Variants in NLGN4X observed in about 807,000 individuals in gnomAD.
NLGN4X encodes neuroligin 4 X-linked.
NLGN4X carries 3 observed loss-of-function variants against 40.3 expected under a neutral mutation model. The observed-to-expected ratio is 0.07, with a 90% CI of 0.03 to 0.19. The LOEUF is 0.19. NLGN4X is among the 10% of genes least tolerant of loss of function. The pLI, the probability that NLGN4X is intolerant of heterozygous loss-of-function variation, is 1.00. For missense variants in NLGN4X, 382 were observed against 708.3 expected, an observed-to-expected ratio of 0.54 and a Z score of 5.23; for synonymous variants, 270 against 306.8, an observed-to-expected ratio of 0.88 and a Z score of 1.25.
intron 2 of NLGN4X, among the ~76,000 whole-genome samples, chrX:6,082,917 G>A (rs1427691165): frequency 1.9e-5 from 2 of 106,876 alleles, no homozygotes; most frequent in Non-Finnish European, 3.9e-5. Context: ...GGTTTTCCCA[G>A]GTGGTAAAAA....
intron 3 of NLGN4X, among the ~76,000 whole-genome samples, chrX:5,920,024 T>C (rs182851918): frequency 8.9e-6 from 1 of 112,044 alleles, no homozygotes; most frequent in Non-Finnish European, 1.9e-5. Flanking sequence ...TGTAAGAAAC[T>C]TTTGCATAAC....
intron 2 of NLGN4X, among the ~76,000 whole-genome samples, chrX:6,061,307 T>G (rs1426121013): frequency 1.8e-5 from 2 of 110,741 alleles, no homozygotes; most frequent in African/African-American, 3.3e-5. Flanking sequence ...GGATATTTGT[T>G]AATGTAGCAC....
chrX:5,895,586 ATATG>A (rs1349228086), intron 5 of NLGN4X, among the ~76,000 whole-genome samples: 12 of 111,305 alleles, frequency 1.1e-4, no homozygotes, highest in African/African-American at 3.9e-4. Flanking sequence ...TGCAGTATAT[ATATG>A]TATGTCATGT....
At chrX:5,998,410 C>CA (rs11344030) in intron 3 of NLGN4X, among the ~76,000 whole-genome samples, 1,221 of 77,202 alleles carry the variant, frequency 0.016, 31 homozygotes, top group African/African-American at 0.054. Context: ...AACTCCTTCT[C>CA]AAAAAAAAAA....
intron 2 of NLGN4X, among the ~76,000 whole-genome samples, chrX:6,125,914 A>T (rs1252838885): frequency 1.8e-5 from 2 of 111,467 alleles, no homozygotes; most frequent in Non-Finnish European, 3.8e-5. Context: ...ATATTTACAA[A>T]CCAAACTTAG....
intron 4 of NLGN4X, 134 bp downstream of exon 4, chrX:5,908,920 A>G (rs940385407): frequency 8.6e-6 from 6 of 701,284 alleles, no homozygotes; most frequent in East Asian, 7.0e-5. Flanking sequence ...AGATGGATTC[A>G]TTTGATCTTT....
At chrX:6,079,937 T>C (rs894228688) in intron 2 of NLGN4X, among the ~76,000 whole-genome samples, 2 of 110,881 alleles carry the variant, frequency 1.8e-5, no homozygotes, top group Non-Finnish European at 3.8e-5. Flanking sequence ...TCAAACAAGA[T>C]CCCCTGACTC....
intron 3 of NLGN4X, among the ~76,000 whole-genome samples, chrX:6,006,803 G>T (rs1670391809): frequency 8.9e-6 from 1 of 111,884 alleles, no homozygotes; most frequent in African/African-American, 3.2e-5. Flanking sequence ...AGCAGCACAT[G>T]TTGGCAAAGA....
At chrX:5,949,911 T>C (rs969007026) in intron 3 of NLGN4X, among the ~76,000 whole-genome samples, 27 of 111,589 alleles carry the variant, frequency 2.4e-4, no homozygotes, top group African/African-American at 8.8e-4. Flanking sequence ...TGAGTACAAG[T>C]ACAGAGTGCC....
intron 3 of NLGN4X, among the ~76,000 whole-genome samples, chrX:5,941,176 A>AGG (rs200390860): frequency 4.0e-5 from 1 of 24,764 alleles, no homozygotes; most frequent in Non-Finnish European, 7.7e-5. Context: ...ATCGTATGCT[A>AGG]GGGGGTGTGT....
intron 2 of NLGN4X, among the ~76,000 whole-genome samples, chrX:6,044,875 C>T (rs758379548): frequency 8.9e-6 from 1 of 112,331 alleles, no homozygotes; most frequent in East Asian, 2.8e-4. Context: ...CAACCACAGT[C>T]CTCTCAGGAA....
chrX:6,032,744 T>C, intron 2 of NLGN4X: 1 of 1,174,623 alleles, frequency 8.5e-7, no homozygotes, highest in Non-Finnish European at 1.1e-6. Context: ...TTTCTTTGTG[T>C]TGGCTCCTGG....
At chrX:6,185,252 T>G (rs766797731) in intron 1 of NLGN4X, among the ~76,000 whole-genome samples, 1 of 112,269 alleles carries the variant, frequency 8.9e-6, no homozygotes, top group South Asian at 3.7e-4. Context: ...TCATGTTACC[T>G]TCTACCTTTA....
Position 6,179,507 on chromosome X carries a change from G to T in NLGN4X, c.-305-27736C>A, listed in dbSNP as rs143068201. 8.5e-3 allele frequency among the ~76,000 whole-genome samples: 949 copies of T among 111,691 alleles called. 8 individuals carry two copies. The highest frequency in any genetic ancestry group is 0.03 in the African/African-American group (908 of 30,698). On this transcript the variant is annotated intron_variant, in intron 1 of 5. Transcript: ENST00000381095. Reference sequence around the variant, plus strand: ...TAAAATGATAGTAGGTTAAAATTTAGAATAGTGCTACTTATATAATTTTGA... The same window carrying T: ...TAAAATGATAGTAGGTTAAAATTTATAATAGTGCTACTTATATAATTTTGA...
intron 1 of NLGN4X, among the ~76,000 whole-genome samples, chrX:6,221,390 A>ATT (rs1460154870): frequency 7.6e-4 from 30 of 39,574 alleles, no homozygotes; most frequent in African/African-American, 3.8e-3. Flanking sequence ...TCCTTCTTAT[A>ATT]TTATATATAT....
chrX:5,935,725 C>T (rs992415294), intron 3 of NLGN4X, among the ~76,000 whole-genome samples: 1 of 111,453 alleles, frequency 9.0e-6, no homozygotes, highest in African/African-American at 3.3e-5. Flanking sequence ...GTATAACCAT[C>T]GGGTGAGGTT....
chrX:5,939,549 CA>C (rs936782235), intron 3 of NLGN4X, among the ~76,000 whole-genome samples: 15 of 110,576 alleles, frequency 1.4e-4, no homozygotes, highest in African/African-American at 4.6e-4. Context: ...CTTTTCTGCT[CA>C]AAAAAAATGT....
At chrX:6,120,796 G>C (rs181421633) in intron 2 of NLGN4X, among the ~76,000 whole-genome samples, 110 of 112,194 alleles carry the variant, frequency 9.8e-4, no homozygotes, top group African/African-American at 3.5e-3. Flanking sequence ...GTAGGCACTA[G>C]TGTGAAAGCA....
At chrX:6,010,513 TTTATTATTA>T (rs58321620) in intron 3 of NLGN4X, among the ~76,000 whole-genome samples, 6 of 95,389 alleles carry the variant, frequency 6.3e-5, no homozygotes, top group South Asian at 1.0e-3. Context: ...TTCTTTTTAT[TTTATTATTA>T]TTATTATTAT....
Sources: gnomAD v4.1 joint callset for allele counts (sites outside exome capture counted in the v4.1 genomes callset) on GRCh38, gnomAD v4.1.1 for gene constraint, MANE v1.5 for transcripts, NCBI Gene and HGNC (gene_info 2026-07-23, HGNC 2026-07-21) for gene names.